The following CHST9 variants were observed in gnomAD, a reference collection of about 807,000 sequenced individuals.
CHST9 encodes GalNAc-4-sulfotransferase 2.
A neutral mutation model predicts 44.4 loss-of-function variants in CHST9; 41 were observed. The observed-to-expected ratio is 0.92, with a 90% CI of 0.72 to 1.20. CHST9 has a LOEUF of 1.20. Among genes scored for constraint, CHST9 ranks in the 50% most tolerant of loss-of-function variants. The pLI, the probability that CHST9 is intolerant of heterozygous loss-of-function variation, is 0.00. For missense variants in CHST9, 504 were observed against 516.5 expected, an observed-to-expected ratio of 0.98 and a Z score of 0.23; for synonymous variants, 171 against 178.4, an observed-to-expected ratio of 0.96 and a Z score of 0.33.
intron 2 of CHST9, among the ~76,000 whole-genome samples, chr18:27,087,787 A>C (rs1394947999): frequency 6.6e-6 from 1 of 152,236 alleles, no homozygotes; most frequent in African/African-American, 2.4e-5. Flanking sequence ...GCTAATGTAT[A>C]CAACAGTCCC....
chr18:26,920,739 C>T (rs771264105), intron 5 of CHST9, among the ~76,000 whole-genome samples: 1 of 152,078 alleles, frequency 6.6e-6, no homozygotes, highest in Non-Finnish European at 1.5e-5. Context: ...AACAATTGAC[C>T]AATTCTTGTT....
chr18:27,052,278 G>GTGTATATATGTATATATGTGTGTA (rs1568150338), intron 2 of CHST9, among the ~76,000 whole-genome samples: 5 of 68,592 alleles, frequency 7.3e-5, no homozygotes, highest in Non-Finnish European at 2.5e-4. Context: ...GTATATATAT[G>GTGTATATATGTATATATGTGTGTA]TATATATATG....
chr18:27,165,590 A>G (rs2058783612), intron 1 of CHST9, among the ~76,000 whole-genome samples: 1 of 152,222 alleles, frequency 6.6e-6, no homozygotes, highest in Non-Finnish European at 1.5e-5. Flanking sequence ...AAAAGTTCAC[A>G]TGACTCATAA....
chr18:27,155,086 TAA>T lies in CHST9; in HGVS notation c.-96-12183_-96-12182del, dbSNP rs145704285. Among the ~76,000 whole-genome samples, 542 of 108,742 alleles carry T rather than the reference TAA, an allele frequency of 5.0e-3. 1 individual carries two copies. Among genetic ancestry groups the T allele is most frequent in the African/African-American group, 7.7e-3 (241 of 31,132 alleles). The allele number at this position is 108,742 out of a possible 152,430, so 71.3% of individuals were successfully genotyped here. A position where few individuals can be genotyped will look rare whatever the true frequency, so the allele number is the denominator to read the frequency against. ...AACAGAGTGAGACTGTTTCAAAAGT[TAA>T]AAAAAAAAAAAAAAAAAAGAAGTAA... On this transcript the variant is annotated intron_variant, in intron 1 of 5. Coordinates refer to ENST00000618847, the MANE Select transcript of CHST9 (RefSeq NM_031422.6).
chr18:26,966,553 C>T (rs1245844709), intron 4 of CHST9, among the ~76,000 whole-genome samples: 3 of 152,156 alleles, frequency 2.0e-5, no homozygotes, highest in Non-Finnish European at 2.9e-5. Flanking sequence ...AATGATGATA[C>T]TGGCTTGGAA....
At chr18:27,058,873 T>C (rs1018395848) in intron 2 of CHST9, among the ~76,000 whole-genome samples, 1 of 152,192 alleles carries the variant, frequency 6.6e-6, no homozygotes, top group Non-Finnish European at 1.5e-5. Flanking sequence ...TTGTCATACT[T>C]GGTTACACAG....
At chr18:27,063,290 C>G (rs1038878238) in intron 2 of CHST9, among the ~76,000 whole-genome samples, 3 of 152,136 alleles carry the variant, frequency 2.0e-5, no homozygotes, top group Non-Finnish European at 2.9e-5. Flanking sequence ...ATTTGTGATA[C>G]TGGTCTAATT....
At chr18:27,021,903 T>C (rs1303717038) in intron 4 of CHST9, among the ~76,000 whole-genome samples, 1 of 152,204 alleles carries the variant, frequency 6.6e-6, no homozygotes, top group Middle Eastern at 3.2e-3. Context: ...CACTACAATC[T>C]TGAACTCTTG....
At chr18:27,086,046 T>A (rs1404186786) in intron 2 of CHST9, among the ~76,000 whole-genome samples, 2 of 152,156 alleles carry the variant, frequency 1.3e-5, no homozygotes, top group Non-Finnish European at 2.9e-5. Context: ...ATGTTCTCAC[T>A]TATAAGTGGG....
chr18:27,081,285 G>A (rs1407057251), intron 2 of CHST9, among the ~76,000 whole-genome samples: 9 of 152,094 alleles, frequency 5.9e-5, no homozygotes, highest in Non-Finnish European at 1.2e-4. Flanking sequence ...CAAGACTCCA[G>A]TGAACAATGA....
intron 1 of CHST9, among the ~76,000 whole-genome samples, chr18:27,176,890 A>C (rs918127265): frequency 6.6e-6 from 1 of 152,084 alleles, no homozygotes; most frequent in African/African-American, 2.4e-5. Flanking sequence ...TGAAAAAATG[A>C]CTTTGCTAGA....
At chr18:26,942,708 C>T (rs1362113265) in intron 5 of CHST9, among the ~76,000 whole-genome samples, 2 of 152,120 alleles carry the variant, frequency 1.3e-5, no homozygotes, top group Non-Finnish European at 2.9e-5. Context: ...AAAAGTATTC[C>T]TATATGATTT....
In CHST9 at chr18:27,062,872, A is replaced by G. The variant is rs552467410; in HGVS notation, c.122-14369T>C. Among the ~76,000 whole-genome samples the G allele has an allele frequency of 2.6e-5, 4 of 152,252 alleles. No homozygotes were observed. The East Asian group carries it at 5.8e-4, about 22-fold the overall frequency. ...GCCATTCTAACTGGTGTGAGTTGCT[A>G]TCTCATTGTGGTTTTGATTTGCATT... On this transcript the variant is annotated intron_variant, in intron 2 of 5. Coordinates refer to ENST00000618847, the MANE Select transcript of CHST9 (RefSeq NM_031422.6).
At position 26,992,111 on chromosome 18, in the gene CHST9, T is replaced by A. The variant is rs1294055748; in HGVS notation, c.202+32005A>T. The stretch of plus-strand genomic sequence containing the variant: ...CCCACCCTGTTCCTATGTTTGGGGA[T>A]CCCAACTTTGAGGTTGAGCCCACAC... On this transcript the variant is annotated intron_variant, in intron 4 of 5. Coordinates refer to ENST00000618847, the MANE Select transcript of CHST9 (RefSeq NM_031422.6). 1.6e-5 allele frequency among the ~76,000 whole-genome samples: 2 copies of A among 127,260 alleles called. 1 individual carries two copies. The highest frequency in any genetic ancestry group is 3.6e-5 in the Non-Finnish European group (2 of 55,720). 83.5% of individuals were successfully genotyped at this position (127,260 alleles called of 152,430 possible).
chr18:26,917,248 G>C lies in CHST9; in HGVS notation c.343C>G (p.Gln115Glu). The C allele has an allele frequency of 6.2e-7, 1 of 1,613,776 alleles. No homozygotes were observed. The highest frequency in any genetic ancestry group is 8.5e-7 in the Non-Finnish European group (1 of 1,179,820). The change falls in exon 6 of 6, where the codon CAA becomes GAA. Residue 115 changes from glutamine (Q) to glutamate (E), a missense_variant. Coordinates refer to ENST00000618847, the MANE Select transcript of CHST9 (RefSeq NM_031422.6). ...TTACTTAAAGCTTGATCCCCTCCTTGTGAATGACTGGTCTTTGTTAAGAGC... is the reference window on the plus strand; with the variant it reads ...TTACTTAAAGCTTGATCCCCTCCTTCTGAATGACTGGTCTTTGTTAAGAGC... ...TRLLTKTSHSQGGDQALSKST... is the reference protein window; with the variant it reads ...TRLLTKTSHSEGGDQALSKST...
chr18:27,061,970 C>T (rs143305974), intron 2 of CHST9, among the ~76,000 whole-genome samples: 1 of 152,244 alleles, frequency 6.6e-6, no homozygotes, highest in Non-Finnish European at 1.5e-5. Flanking sequence ...AAATGTTAAT[C>T]ATTTCTCATG....
intron 5 of CHST9, among the ~76,000 whole-genome samples, chr18:26,919,171 G>C (rs767922639): frequency 1.2e-4 from 18 of 152,072 alleles, no homozygotes; most frequent in Non-Finnish European, 2.4e-4. Context: ...GACACGTGGG[G>C]ATTATAGGAG....
chr18:27,007,176 G>A (rs2057026945), intron 4 of CHST9, among the ~76,000 whole-genome samples: 1 of 152,182 alleles, frequency 6.6e-6, no homozygotes, highest in Admixed American at 6.5e-5. Context: ...TTCTGCTTAA[G>A]TATCCCTTTC....
At chr18:27,035,453 C>T (rs1381429590) in intron 3 of CHST9, among the ~76,000 whole-genome samples, 1 of 152,010 alleles carries the variant, frequency 6.6e-6, no homozygotes, top group Non-Finnish European at 1.5e-5. Flanking sequence ...TGTCTACCAA[C>T]AGATAAATGG....
Sources: gnomAD v4.1 joint callset for allele counts (sites outside exome capture counted in the v4.1 genomes callset) on GRCh38, gnomAD v4.1.1 for gene constraint, MANE v1.5 for transcripts, NCBI Gene and HGNC (gene_info 2026-07-23, HGNC 2026-07-21) for gene names.